The following GPR137C variants were observed in gnomAD, a reference collection of about 807,000 sequenced individuals.
GPR137C encodes the protein integral membrane protein GPR137C.
In GPR137C, 27 loss-of-function variants were observed where a neutral mutation model predicts 43.4. That is an observed-to-expected ratio of 0.62 (90% CI 0.46 to 0.86). The LOEUF (loss-of-function observed/expected upper bound fraction) is 0.86, where lower values mean the gene tolerates loss of function less well. GPR137C is among the 40% of genes least tolerant of loss of function. The pLI, the probability that GPR137C is intolerant of heterozygous loss-of-function variation, is 0.00. For missense variants in GPR137C, 522 were observed against 534.6 expected, an observed-to-expected ratio of 0.98 and a Z score of 0.23; for synonymous variants, 285 against 226.9, an observed-to-expected ratio of 1.26 and a Z score of -2.30.
chr14:52,617,772 T>C (rs1036630976), intron 3 of GPR137C, among the ~76,000 whole-genome samples: 1 of 152,198 alleles, frequency 6.6e-6, no homozygotes. Context: ...CTGTGTGACC[T>C]TAGTCAAATT....
chr14:52,582,134 G>A (rs912153594), intron 1 of GPR137C, among the ~76,000 whole-genome samples: 2 of 152,156 alleles, frequency 1.3e-5, no homozygotes, highest in African/African-American at 4.8e-5. Context: ...TAGATCCAGT[G>A]TCTGATAAGG....
intron 3 of GPR137C, among the ~76,000 whole-genome samples, chr14:52,607,077 C>A (rs918492724): frequency 2.6e-5 from 4 of 152,016 alleles, no homozygotes; most frequent in African/African-American, 4.8e-5. Flanking sequence ...ATTTAATTTC[C>A]ATGTATTTTT....
intron 1 of GPR137C, among the ~76,000 whole-genome samples, chr14:52,560,759 A>G (rs763664065): frequency 1.3e-4 from 20 of 152,240 alleles, no homozygotes; most frequent in Non-Finnish European, 2.5e-4. Context: ...CTTGACATAG[A>G]TCATAGACCT....
chr14:52,623,674 A>ATATTTTTTCATAG (rs1490306071), intron 3 of GPR137C, among the ~76,000 whole-genome samples: 1 of 151,694 alleles, frequency 6.6e-6, no homozygotes, highest in Non-Finnish European at 1.5e-5. Context: ...AGGCTTCATA[A>ATATTTTTTCATAG]TATTTTCATA....
intron 1 of GPR137C, 60 bp from the exon 2 acceptor site, chr14:52,598,212 C>G: frequency 1.7e-6 from 1 of 592,276 alleles, no homozygotes. Flanking sequence ...AAAATCAGAA[C>G]ATATTTAAGA....
intron 3 of GPR137C, among the ~76,000 whole-genome samples, chr14:52,623,919 T>C (rs919657785): frequency 5.9e-5 from 9 of 152,128 alleles, no homozygotes; most frequent in South Asian, 2.1e-4. Context: ...TACATTCATA[T>C]TGTTGTGCAG....
At chr14:52,576,191 T>G (rs1024860494) in intron 1 of GPR137C, among the ~76,000 whole-genome samples, 2 of 152,238 alleles carry the variant, frequency 1.3e-5, no homozygotes, top group African/African-American at 4.8e-5. Context: ...TACCCTTTGT[T>G]TAACTCCCAC....
chr14:52,619,531 A>C (rs931378994), intron 3 of GPR137C, among the ~76,000 whole-genome samples: 2 of 152,024 alleles, frequency 1.3e-5, no homozygotes, highest in African/African-American at 4.8e-5. Flanking sequence ...CTTATTTCCT[A>C]TTCTGTTGCT....
intron 1 of GPR137C, among the ~76,000 whole-genome samples, chr14:52,574,358 C>T (rs2038518396): frequency 6.6e-6 from 1 of 152,056 alleles, no homozygotes; most frequent in Admixed American, 6.6e-5. Flanking sequence ...GAAAATGTGG[C>T]ACATATACAC....
intron 1 of GPR137C, among the ~76,000 whole-genome samples, chr14:52,589,139 A>T (rs1462932268): frequency 6.6e-6 from 1 of 152,228 alleles, no homozygotes. Context: ...AAGGACAAAT[A>T]TTGTATGAAT....
chr14:52,604,424 G>T (rs755019266), intron 3 of GPR137C, among the ~76,000 whole-genome samples: 9 of 150,192 alleles, frequency 6.0e-5, no homozygotes, highest in African/African-American at 2.2e-4. Flanking sequence ...ATCCATTTTT[G>T]TAGATGGTGA....
At chr14:52,570,640 G>A (rs1466395684) in intron 1 of GPR137C, among the ~76,000 whole-genome samples, 1 of 152,058 alleles carries the variant, frequency 6.6e-6, no homozygotes, top group East Asian at 1.9e-4. Context: ...AAAAATAAAG[G>A]GATGGAGGAA....
intron 1 of GPR137C, among the ~76,000 whole-genome samples, chr14:52,569,722 C>T (rs574477052): frequency 2.0e-5 from 3 of 151,476 alleles, no homozygotes; most frequent in Admixed American, 6.6e-5. Context: ...TGAAATAAAG[C>T]GTGAAGACAA....
At chr14:52,625,489 A>G (rs951906990) in intron 3 of GPR137C, among the ~76,000 whole-genome samples, 8 of 147,644 alleles carry the variant, frequency 5.4e-5, no homozygotes, top group South Asian at 2.1e-4. Flanking sequence ...CCCAAAAAAA[A>G]AAAAAAGAAA....
At chr14:52,598,223 A>G in intron 1 of GPR137C, 49 bp from the exon 2 acceptor site, 2 of 635,802 alleles carry the variant, frequency 3.1e-6, no homozygotes, top group Non-Finnish European at 5.3e-6. Flanking sequence ...ATATTTAAGA[A>G]TTCTATATTA....
At chr14:52,566,577 AACAGCAGGACTG>A (rs1253237259) in intron 1 of GPR137C, among the ~76,000 whole-genome samples, 1 of 152,242 alleles carries the variant, frequency 6.6e-6, no homozygotes, top group African/African-American at 2.4e-5. Flanking sequence ...TGGGACATTA[AACAGCAGGACTG>A]ACAGCAGTAA....
intron 1 of GPR137C, among the ~76,000 whole-genome samples, chr14:52,559,092 C>CA (rs1323243350): frequency 2.0e-5 from 3 of 152,132 alleles, no homozygotes; most frequent in Non-Finnish European, 4.4e-5. Flanking sequence ...CACTTGAAAA[C>CA]ACTGACCTGG....
chr14:52,605,875 G>T (rs914737059), intron 3 of GPR137C, among the ~76,000 whole-genome samples: 4 of 152,116 alleles, frequency 2.6e-5, no homozygotes, highest in African/African-American at 7.2e-5. Context: ...AGCCTTCCTT[G>T]CATCCCTGGG....
intron 1 of GPR137C, among the ~76,000 whole-genome samples, chr14:52,572,320 C>T (rs1475648571): frequency 1.3e-5 from 2 of 152,176 alleles, no homozygotes; most frequent in East Asian, 3.8e-4. Flanking sequence ...ACCAATATCC[C>T]TGATGAACAT....
Sources: gnomAD v4.1 joint callset for allele counts (sites outside exome capture counted in the v4.1 genomes callset) on GRCh38, gnomAD v4.1.1 for gene constraint, MANE v1.5 for transcripts, NCBI Gene and HGNC (gene_info 2026-07-23, HGNC 2026-07-21) for gene names.